Variants in MYO3B observed in about 807,000 individuals in gnomAD.
MYO3B encodes the protein myosin-IIIb.
A neutral mutation model predicts 174.6 loss-of-function variants in MYO3B; 156 were observed. That is an observed-to-expected ratio of 0.89 (90% confidence interval 0.78 to 1.02). MYO3B has a LOEUF of 1.02. Ranked by LOEUF, MYO3B falls within the 50% of genes least tolerant of loss-of-function variation. The pLI is 0.00. For synonymous variants in MYO3B, 563 were observed against 569.1 expected (o/e 0.99, Z 0.15); for missense variants, 1,632 against 1,639.4 (o/e 1.00, Z 0.08).
At chr2:170,642,984 C>T (rs1296658267) in intron 32 of MYO3B, among the ~76,000 whole-genome samples, 2 of 151,258 alleles carry the variant, frequency 1.3e-5, no homozygotes, top group Non-Finnish European at 2.9e-5. Context: ...TATGGTCAAG[C>T]ACAATGGTTC....
intron 8 of MYO3B, among the ~76,000 whole-genome samples, chr2:170,366,381 A>G (rs755496704): frequency 1.3e-5 from 2 of 152,012 alleles, no homozygotes; most frequent in African/African-American, 4.8e-5. Flanking sequence ...GCTCACTGCA[A>G]TCTCAAACTC....
chr2:170,250,065 G>T (rs922827275), intron 7 of MYO3B, among the ~76,000 whole-genome samples: 3 of 152,132 alleles, frequency 2.0e-5, no homozygotes, highest in Non-Finnish European at 2.9e-5. Flanking sequence ...TTACCATGAA[G>T]ACTATTGGAA....
At chr2:170,515,611 T>G (rs1688255913) in intron 29 of MYO3B, among the ~76,000 whole-genome samples, 2 of 152,104 alleles carry the variant, frequency 1.3e-5, no homozygotes, top group South Asian at 4.1e-4. Flanking sequence ...AATATTGCAG[T>G]CTCACCCTTT....
rs116298218 is a variant in MYO3B at position 170,226,554 on chromosome 2, C to T, written c.603+9159C>T. Among the ~76,000 whole-genome samples, 543 of 152,262 alleles carry T rather than the reference C, an allele frequency of 3.6e-3. 1 individual carries two copies. Among genetic ancestry groups the T allele is most frequent in the African/African-American group, 0.013 (523 of 41,554 alleles). ...CCCCAGGTTTTCACCTCAGCTCCAGCGATAGTTCCCTCTCAGCTGGAGCTC... is the reference window on the plus strand; with the variant it reads ...CCCCAGGTTTTCACCTCAGCTCCAGTGATAGTTCCCTCTCAGCTGGAGCTC... On this transcript the variant is annotated intron_variant, in intron 6 of 34. Transcript: ENST00000408978.
intron 1 of MYO3B, among the ~76,000 whole-genome samples, chr2:170,193,363 T>C (rs897732770): frequency 6.6e-6 from 1 of 152,082 alleles, no homozygotes; most frequent in African/African-American, 2.4e-5. Context: ...TGATTCTTTT[T>C]GGTTTTGTTA....
chr2:170,563,524 G>T lies in MYO3B; in HGVS notation c.3733+19536G>T, dbSNP rs149169719. Among the ~76,000 whole-genome samples, 578 of 152,138 alleles carry T rather than the reference G, an allele frequency of 3.8e-3. 2 individuals carry two copies. Among genetic ancestry groups the T allele is most frequent in the African/African-American group, 0.013 (531 of 41,480 alleles). On this transcript the variant is annotated intron_variant, in intron 32 of 34. Coordinates refer to ENST00000408978, the MANE Select transcript of MYO3B (RefSeq NM_138995.5). ...TTTCTTCCATCTGATTTCCTGATAG[G>T]GCTCTCTATTGGCCAAACCACTGAG...
intron 24 of MYO3B, 40 bp from the exon 25 acceptor site, chr2:170,466,466 G>T (rs371361962): frequency 2.5e-6 from 4 of 1,589,230 alleles, no homozygotes. Context: ...CCATTGTGTT[G>T]GTGGTAACCT....
At chr2:170,368,568 T>G (rs771755545) in intron 8 of MYO3B, among the ~76,000 whole-genome samples, 1 of 152,210 alleles carries the variant, frequency 6.6e-6, no homozygotes, top group African/African-American at 2.4e-5. Flanking sequence ...ACAGAAGAGT[T>G]TAAATGCAAC....
chr2:170,240,095 T>G (rs7568852), intron 7 of MYO3B, among the ~76,000 whole-genome samples: 95,306 of 151,966 alleles, frequency 0.63, 29,995 homozygotes, highest in East Asian at 0.71. Context: ...GACTTAGGGC[T>G]TATCCTAATT....
intron 7 of MYO3B, among the ~76,000 whole-genome samples, chr2:170,243,168 T>C (rs1305924511): frequency 6.6e-6 from 1 of 152,234 alleles, no homozygotes; most frequent in East Asian, 1.9e-4. Flanking sequence ...ACTTAGTTGC[T>C]TAAACAACAA....
At chr2:170,591,174 A>T (rs563814946) in intron 32 of MYO3B, among the ~76,000 whole-genome samples, 1 of 152,208 alleles carries the variant, frequency 6.6e-6, no homozygotes, top group Non-Finnish European at 1.5e-5. Context: ...CATAATTATT[A>T]ATTTAGGTTT....
intron 22 of MYO3B, among the ~76,000 whole-genome samples, chr2:170,410,351 G>C (rs2094537297): frequency 6.6e-6 from 1 of 152,022 alleles, no homozygotes; most frequent in Non-Finnish European, 1.5e-5. Context: ...GGATCACAAG[G>C]TGGGTGGATC....
At position 170,283,656 on chromosome 2, in the gene MYO3B, C is replaced by T. The variant is rs202112284; in HGVS notation, c.749+47520C>T. Reference sequence around the variant, plus strand: ...CCTGAAACCAGCTGCTGTAAAGCTACAAGCCACTAATAACAATCATAATTG... The same window carrying T: ...CCTGAAACCAGCTGCTGTAAAGCTATAAGCCACTAATAACAATCATAATTG... On this transcript the variant is annotated intron_variant, in intron 7 of 34. Coordinates refer to ENST00000408978, the MANE Select transcript of MYO3B (RefSeq NM_138995.5). Among the ~76,000 whole-genome samples the T allele has an allele frequency of 2.0e-5, 3 of 151,516 alleles. No homozygotes were observed. In the South Asian group the frequency reaches 6.2e-4, roughly 31 times the overall value.
chr2:170,530,194 G>T (rs1689269065), intron 30 of MYO3B, among the ~76,000 whole-genome samples: 1 of 152,182 alleles, frequency 6.6e-6, no homozygotes, highest in Non-Finnish European at 1.5e-5. Flanking sequence ...AATGGTGTAG[G>T]TGGGGAAGAC....
At chr2:170,435,303 C>A (rs1022007503) in intron 22 of MYO3B, among the ~76,000 whole-genome samples, 1 of 152,178 alleles carries the variant, frequency 6.6e-6, no homozygotes, top group East Asian at 1.9e-4. Context: ...GTGCAGCAGT[C>A]CAGGGCTGGT....
At chr2:170,628,722 C>T (rs1696683271) in intron 32 of MYO3B, among the ~76,000 whole-genome samples, 2 of 152,114 alleles carry the variant, frequency 1.3e-5, no homozygotes, top group African/African-American at 2.4e-5. Context: ...ACAAAACCTA[C>T]AGCCACTGAA....
intron 32 of MYO3B, among the ~76,000 whole-genome samples, chr2:170,572,908 G>C (rs1268782482): frequency 1.3e-5 from 2 of 151,864 alleles, no homozygotes; most frequent in East Asian, 3.9e-4. Context: ...TTTTTCCCTA[G>C]TTATTCCTTA....
chr2:170,457,832 A>C (rs773336835), intron 23 of MYO3B, among the ~76,000 whole-genome samples: 1 of 152,130 alleles, frequency 6.6e-6, no homozygotes, highest in Non-Finnish European at 1.5e-5. Context: ...GTGGCTCACT[A>C]CAACCTCTGC....
In MYO3B at chr2:170,405,560, A is replaced by G. The variant is rs1227744579; in HGVS notation, c.2447A>G (p.Asn816Ser). 3 of 1,614,162 alleles carry G rather than the reference A, an allele frequency of 1.9e-6. No individual in the cohort carries two copies. In the East Asian group the frequency reaches 6.7e-5, roughly 36 times the overall value. Residue 816 changes from asparagine to serine, a missense_variant, in exon 21 of 35, where the codon AAT becomes AGT. Transcript: ENST00000408978. Reference protein sequence around the residue: ...DQTLVDKFEDNLRCKYFWRPK... With the variant: ...DQTLVDKFEDSLRCKYFWRPK... ...ATCCACACAGATAAATTTGAAGATA[A>G]TCTACGATGCAAATACTTCTGGAGG...
Sources: allele counts gnomAD v4.1 joint callset (sites outside exome capture counted in the v4.1 genomes callset), GRCh38; gene constraint gnomAD v4.1.1; transcripts MANE v1.5; gene names NCBI Gene and HGNC (gene_info 2026-07-23, HGNC 2026-07-21).